Variants in CDH20 observed in about 807,000 individuals in gnomAD.
CDH20 encodes cadherin-20.
CDH20 carries 29 observed loss-of-function variants against 74.2 expected under a neutral mutation model. The observed-to-expected ratio is 0.39, with a 90% CI of 0.29 to 0.53. The LOEUF (loss-of-function observed/expected upper bound fraction) is 0.53. Among genes scored for constraint, CDH20 ranks in the 20% least tolerant of loss-of-function variants. The probability of loss-of-function intolerance (pLI) is 0.69; values close to 1 mark genes in which losing one functional copy is unlikely to be tolerated. For missense variants in CDH20, 988 were observed against 1,048.3 expected, an observed-to-expected ratio of 0.94 and a Z score of 0.79; for synonymous variants, 469 against 405.4, an observed-to-expected ratio of 1.16 and a Z score of -1.88.
At chr18:61,356,539 C>T (rs1380703246) in intron 1 of CDH20, among the ~76,000 whole-genome samples, 2 of 152,152 alleles carry the variant, frequency 1.3e-5, no homozygotes, top group Non-Finnish European at 2.9e-5. Context: ...AATTTACCAA[C>T]CCATAATTTG....
chr18:61,397,177 C>G (rs779437953), intron 1 of CDH20, among the ~76,000 whole-genome samples: 4 of 152,048 alleles, frequency 2.6e-5, no homozygotes, highest in Non-Finnish European at 5.9e-5. Flanking sequence ...GGGGTTGACT[C>G]CTTCCCTAAG....
chr18:61,425,553 A>C (rs1429496040), intron 1 of CDH20, among the ~76,000 whole-genome samples: 1 of 152,218 alleles, frequency 6.6e-6, no homozygotes, highest in Admixed American at 6.5e-5. Flanking sequence ...AAAATTTTTC[A>C]GCAACTTGGA....
intron 1 of CDH20, among the ~76,000 whole-genome samples, chr18:61,337,217 A>G (rs888309391): frequency 1.3e-5 from 2 of 152,192 alleles, no homozygotes; most frequent in South Asian, 4.1e-4. Context: ...CCCCAAAGGC[A>G]TACCCCCAGA....
At chr18:61,373,192 A>G (rs1456969389) in intron 1 of CDH20, among the ~76,000 whole-genome samples, 1 of 151,860 alleles carries the variant, frequency 6.6e-6, no homozygotes, top group Non-Finnish European at 1.5e-5. Context: ...AAAAGAATGT[A>G]ATTCTAAGGC....
At chr18:61,355,274 CAGA>C (rs942346214) in intron 1 of CDH20, among the ~76,000 whole-genome samples, 3 of 151,178 alleles carry the variant, frequency 2.0e-5, no homozygotes, top group Admixed American at 6.6e-5. Flanking sequence ...TTTCTTTTTT[CAGA>C]AGAAGAAAAC....
intron 1 of CDH20, among the ~76,000 whole-genome samples, chr18:61,430,275 T>A (rs911635698): frequency 1.4e-4 from 22 of 152,126 alleles, no homozygotes; most frequent in African/African-American, 5.3e-4. Context: ...CAAACAGTGA[T>A]GGGTCTACAT....
At chr18:61,501,773 C>T (rs1224137378) in intron 4 of CDH20, among the ~76,000 whole-genome samples, 4 of 151,940 alleles carry the variant, frequency 2.6e-5, no homozygotes, top group Non-Finnish European at 5.9e-5. Context: ...CTACTAAGGG[C>T]AAGGGGGAGA....
At chr18:61,437,235 C>A (rs569502128) in intron 1 of CDH20, among the ~76,000 whole-genome samples, 1 of 152,248 alleles carries the variant, frequency 6.6e-6, no homozygotes, top group East Asian at 1.9e-4. Context: ...ATAGGTTCTT[C>A]CCACTTGCCA....
At chr18:61,342,532 C>A (rs1251204653) in intron 1 of CDH20, among the ~76,000 whole-genome samples, 2 of 152,164 alleles carry the variant, frequency 1.3e-5, no homozygotes, top group African/African-American at 4.8e-5. Context: ...TTTTGCCTGG[C>A]AAATTCTTTG....
At chr18:61,369,342 G>A (rs1265418336) in intron 1 of CDH20, among the ~76,000 whole-genome samples, 1 of 152,072 alleles carries the variant, frequency 6.6e-6, no homozygotes, top group Non-Finnish European at 1.5e-5. Flanking sequence ...AAATATCCAG[G>A]ATAGGTTTTT....
Position 61,450,528 on chromosome 18 carries a change from G to T in CDH20, c.-152-39874G>T, listed in dbSNP as rs74344828. 4.7e-4 allele frequency among the ~76,000 whole-genome samples: 72 copies of T among 151,964 alleles called. 1 individual carries two copies. In the East Asian group the frequency reaches 0.012, roughly 26 times the overall value. Reference sequence around the variant, plus strand: ...CTTTTCTAGAACATTCTTCAACTATGAAATAGAAGTATTTATCACAGCAAT... The same window carrying T: ...CTTTTCTAGAACATTCTTCAACTATTAAATAGAAGTATTTATCACAGCAAT... On this transcript the variant is annotated intron_variant, in intron 1 of 11. Transcript: ENST00000262717.
At position 61,353,314 on chromosome 18, in the gene CDH20, T is replaced by A. The variant is rs911414220; in HGVS notation, c.-153+19487T>A. Among the ~76,000 whole-genome samples, 7 of 152,322 alleles carry A rather than the reference T, an allele frequency of 4.6e-5. No individual in the cohort carries two copies. Among genetic ancestry groups the A allele is most frequent in the Admixed American group, 4.6e-4 (7 of 15,310 alleles). ...TTCTTATACTTCTCTGGCCCTGGGC[T>A]TTTCTCATCTACATGCTGTTCTCAA... On this transcript the variant is annotated intron_variant, in intron 1 of 11. Transcript: ENST00000262717. The surrounding 1 kb of genome is among the most constrained non-coding windows in gnomAD (Gnocchi z 4.6).
At position 61,554,190 on chromosome 18, in the gene CDH20, T is replaced by G. The variant is rs1244290916; in HGVS notation, c.1901T>G (p.Val634Gly). ...ACACTCTCCTTTTTGTTCCTGGCAG[T>G]GCTGGTGTTGCTCATTTTGTCCATG... is the stretch of plus-strand genomic sequence containing the variant. Reference protein sequence around the residue: ...AILACIFVLLVLVLLILSMRR... With the variant: ...AILACIFVLLGLVLLILSMRR... Residue 634 changes from valine to glycine, a missense_variant and splice_region_variant, in exon 12 of 12, where the codon GTG becomes GGG. Around this residue, in one of 2 missense-constraint regions of CDH20, gnomAD observed 375 missense variants for 293.1 expected, o/e 1.28. Coordinates refer to ENST00000262717, the MANE Select transcript of CDH20 (RefSeq NM_031891.4). 1.9e-6 allele frequency: 3 copies of G among 1,608,144 alleles called. No individual in the cohort carries two copies. The South Asian group carries it at 3.3e-5, about 18-fold the overall frequency.
intron 1 of CDH20, among the ~76,000 whole-genome samples, chr18:61,470,543 C>T (rs2144378867): frequency 6.6e-6 from 1 of 151,434 alleles, no homozygotes; most frequent in South Asian, 2.1e-4. Context: ...CATGTATAGA[C>T]ATATTGGCTG....
At chr18:61,535,614 C>T (rs1912794966) in intron 7 of CDH20, among the ~76,000 whole-genome samples, 1 of 152,170 alleles carries the variant, frequency 6.6e-6, no homozygotes, top group Non-Finnish European at 1.5e-5. Context: ...ATGATACAGA[C>T]AACAGCAAAA....
chr18:61,380,664 C>A (rs539035640), intron 1 of CDH20, among the ~76,000 whole-genome samples: 101 of 152,256 alleles, frequency 6.6e-4, no homozygotes, highest in Non-Finnish European at 1.2e-3. Flanking sequence ...ACAAAATTAG[C>A]CCAGCGTGGT....
intron 1 of CDH20, among the ~76,000 whole-genome samples, chr18:61,418,687 T>C (rs1291910295): frequency 1.3e-5 from 2 of 152,126 alleles, no homozygotes; most frequent in South Asian, 4.1e-4. Flanking sequence ...GCTATATAAA[T>C]TCTATTCACT....
intron 1 of CDH20, among the ~76,000 whole-genome samples, chr18:61,359,342 A>G (rs550188795): frequency 1.3e-5 from 2 of 151,832 alleles, no homozygotes; most frequent in East Asian, 3.9e-4. Context: ...CTTTATATTC[A>G]TTTGTTCTGC....
chr18:61,471,125 G>T (rs190876125), intron 1 of CDH20, among the ~76,000 whole-genome samples: 1 of 152,162 alleles, frequency 6.6e-6, no homozygotes, highest in African/African-American at 2.4e-5. Flanking sequence ...GGCATATGGA[G>T]ACTTTTATAA....
Sources: allele counts gnomAD v4.1 joint callset (sites outside exome capture counted in the v4.1 genomes callset), GRCh38; gene constraint gnomAD v4.1.1; regional missense constraint gnomAD v4.1.1; non-coding constraint Gnocchi (gnomAD v3.1); transcripts MANE v1.5; gene names NCBI Gene and HGNC (gene_info 2026-07-23, HGNC 2026-07-21).